The following GNAQ variants were observed in gnomAD, a reference collection of about 807,000 sequenced individuals.
The protein encoded by GNAQ is guanine nucleotide-binding protein G(q) subunit alpha.
In GNAQ, 8 loss-of-function variants were observed where a neutral mutation model predicts 43.9. The observed-to-expected ratio is 0.18, with a 90% CI of 0.11 to 0.33. The LOEUF is 0.33. Among genes scored for constraint, GNAQ ranks in the 10% least tolerant of loss-of-function variants. The probability of loss-of-function intolerance (pLI) is 1.00; values close to 1 mark genes in which losing one functional copy is unlikely to be tolerated. For missense variants in GNAQ, 158 were observed against 450.8 expected (o/e 0.35, Z 5.88); for synonymous variants, 155 against 170.7 (o/e 0.91, Z 0.71).
chr9:78,015,529 T>C (rs1823828305), intron 1 of GNAQ, among the ~76,000 whole-genome samples: 1 of 152,272 alleles, frequency 6.6e-6, no homozygotes, highest in African/African-American at 2.4e-5. Flanking sequence ...TAGCAGCAAA[T>C]ATCAGTCATA....
chr9:77,890,968 AG>A (rs1172370762), intron 2 of GNAQ, among the ~76,000 whole-genome samples: 1 of 152,186 alleles, frequency 6.6e-6, no homozygotes, highest in African/African-American at 2.4e-5. Context: ...GTCTCCCTGG[AG>A]GAGTAGGAGA....
In GNAQ at chr9:77,717,148, T is replaced by C. The variant is rs1375710550; in HGVS notation, c.*4175A>G. ...TAACGCTACATATGCTGGAAATATG[T>C]AGAGATAGATAAACATACAATATTA... On this transcript the variant is annotated 3_prime_UTR_variant, in exon 7 of 7. Coordinates refer to ENST00000286548, the MANE Select transcript of GNAQ (RefSeq NM_002072.5). 3 of 232,212 alleles carry C rather than the reference T, an allele frequency of 1.3e-5. No homozygotes were observed. The highest frequency in any genetic ancestry group is 6.6e-5 in the African/African-American group (3 of 45,300). The allele number at this position is 232,212 out of a possible 1,614,324, so 14.4% of individuals were successfully genotyped here.
intron 1 of GNAQ, among the ~76,000 whole-genome samples, chr9:78,024,158 T>C (rs780725643): frequency 9.9e-5 from 15 of 152,190 alleles, no homozygotes; most frequent in East Asian, 3.8e-4. Context: ...TCAATTGCTA[T>C]TGGCTTTTAA....
intron 5 of GNAQ, among the ~76,000 whole-genome samples, chr9:77,759,044 A>C (rs1451766320): frequency 6.6e-6 from 1 of 152,344 alleles, no homozygotes; most frequent in East Asian, 1.9e-4. Context: ...TATTCTTAGG[A>C]TATTAAACAA....
chr9:77,801,155 A>G (rs1003905950), intron 3 of GNAQ, among the ~76,000 whole-genome samples: 2 of 152,182 alleles, frequency 1.3e-5, no homozygotes, highest in African/African-American at 4.8e-5. Context: ...GGAGAATTTA[A>G]AGAACCAGCA....
intron 2 of GNAQ, among the ~76,000 whole-genome samples, chr9:77,868,626 T>C (rs1827985947): frequency 6.6e-6 from 1 of 151,784 alleles, no homozygotes; most frequent in African/African-American, 2.4e-5. Context: ...TGAAGTCCCG[T>C]CTCTACTAAA....
At chr9:77,831,616 C>G (rs1390747087) in intron 2 of GNAQ, among the ~76,000 whole-genome samples, 1 of 152,300 alleles carries the variant, frequency 6.6e-6, no homozygotes, top group Non-Finnish European at 1.5e-5. Flanking sequence ...ACAGAATTAT[C>G]TGTTTCATAC....
rs1827001585 is a variant in GNAQ, at chr9:77,815,698, T to C, written c.394A>G (p.Ile132Val). The change falls in exon 3 of 7, where the codon ATA (isoleucine) becomes GTA (valine). Residue 132 changes from isoleucine (I) to valine (V), a missense_variant. Transcript: ENST00000286548. ...CCAGGATCATTCCATAAACTCTTTA[T>C]TGCATCTACATATGGATTCTCAAAA... ...SAFENPYVDAIKSLWNDPGIQ... is the reference protein window; with the variant it reads ...SAFENPYVDAVKSLWNDPGIQ... 3 of 1,596,250 alleles carry C rather than the reference T, an allele frequency of 1.9e-6. No individual in the cohort carries two copies. Among genetic ancestry groups the C allele is most frequent in the South Asian group, 1.1e-5 (1 of 90,686 alleles).
chr9:77,812,838 T>C (rs553925541), intron 3 of GNAQ, among the ~76,000 whole-genome samples: 2 of 152,166 alleles, frequency 1.3e-5, no homozygotes, highest in African/African-American at 4.8e-5. Flanking sequence ...TAAAATGTGA[T>C]TAAAAAAGAT....
chr9:77,923,263 C>T (rs897683159), intron 1 of GNAQ, among the ~76,000 whole-genome samples: 1 of 152,162 alleles, frequency 6.6e-6, no homozygotes, highest in African/African-American at 2.4e-5. Flanking sequence ...TCCAAGGAAT[C>T]ACGTAATTCA....
intron 2 of GNAQ, among the ~76,000 whole-genome samples, chr9:77,852,370 A>C (rs1233834691): frequency 1.3e-5 from 2 of 152,230 alleles, no homozygotes; most frequent in East Asian, 3.9e-4. Context: ...CCAAGGCATA[A>C]GTGCTTTGGC....
intron 2 of GNAQ, among the ~76,000 whole-genome samples, chr9:77,838,331 T>C (rs535231154): frequency 6.7e-6 from 1 of 148,868 alleles, no homozygotes; most frequent in Non-Finnish European, 1.5e-5. Flanking sequence ...TTAGTAGAGA[T>C]GGGGTTTCTC....
At chr9:77,742,693 A>G (rs1825673124) in intron 5 of GNAQ, among the ~76,000 whole-genome samples, 1 of 152,238 alleles carries the variant, frequency 6.6e-6, no homozygotes, top group Admixed American at 6.5e-5. Flanking sequence ...GATCCAACAC[A>G]AAAACACACC....
intron 3 of GNAQ, among the ~76,000 whole-genome samples, chr9:77,810,509 A>C (rs546474485): frequency 1.3e-5 from 2 of 152,332 alleles, no homozygotes; most frequent in South Asian, 4.1e-4. Context: ...CCAAGCACAG[A>C]ATCTAACATA....
At chr9:77,909,438 A>G (rs1828762559) in intron 2 of GNAQ, among the ~76,000 whole-genome samples, 1 of 152,190 alleles carries the variant, frequency 6.6e-6, no homozygotes, top group South Asian at 2.1e-4. Context: ...TTACCACAGA[A>G]GCACTGTTTT....
intron 1 of GNAQ, among the ~76,000 whole-genome samples, chr9:77,984,623 C>T (rs1210479169): frequency 1.3e-5 from 2 of 152,088 alleles, no homozygotes; most frequent in Admixed American, 1.3e-4. Context: ...CTTGAAATAC[C>T]TTTTTAAAAC....
At chr9:77,793,281 C>T (rs1826605708) in intron 5 of GNAQ, among the ~76,000 whole-genome samples, 1 of 152,066 alleles carries the variant, frequency 6.6e-6, no homozygotes, top group South Asian at 2.1e-4. Context: ...ATAAACAAGC[C>T]TCATTCTTAA....
intron 5 of GNAQ, among the ~76,000 whole-genome samples, chr9:77,763,114 AAAC>A (rs1564103673): frequency 7.1e-6 from 1 of 140,518 alleles, no homozygotes; most frequent in African/African-American, 2.7e-5. Context: ...AATTAAAAAA[AAAC>A]AAAAAAATAA....
At chr9:77,933,436 T>C (rs1829181940) in intron 1 of GNAQ, among the ~76,000 whole-genome samples, 2 of 151,822 alleles carry the variant, frequency 1.3e-5, no homozygotes, top group African/African-American at 4.8e-5. Context: ...GAGGTCAAGG[T>C]GGGTGAATTG....
Sources: allele counts gnomAD v4.1 joint callset (sites outside exome capture counted in the v4.1 genomes callset), GRCh38; gene constraint gnomAD v4.1.1; transcripts MANE v1.5; gene names NCBI Gene and HGNC (gene_info 2026-07-23, HGNC 2026-07-21).